Variants in GTF2I observed in about 807,000 individuals in gnomAD.
GTF2I encodes general transcription factor IIi.
A neutral mutation model predicts 67.6 loss-of-function variants in GTF2I; 12 were observed. The observed-to-expected ratio is 0.18, with a 90% confidence interval of 0.11 to 0.29. The LOEUF (loss-of-function observed/expected upper bound fraction) is 0.29. GTF2I is among the 10% of genes least tolerant of loss of function. The probability of loss-of-function intolerance (pLI) is 1.00; values close to 1 mark genes in which losing one functional copy is unlikely to be tolerated. For missense variants in GTF2I, 271 were observed against 580.1 expected (o/e 0.47, Z 5.47); for synonymous variants, 149 against 197.0 (o/e 0.76, Z 2.04).
intron 6 of GTF2I, 138 bp downstream of exon 6, chr7:74,700,772 A>G (rs1789617329): frequency 2.3e-6 from 2 of 866,472 alleles, no homozygotes; most frequent in African/African-American, 3.4e-5. Context: ...AGATGTTTAT[A>G]TAATCCACAA....
chr7:74,731,290 A>G (rs1794456772), intron 14 of GTF2I, among the ~76,000 whole-genome samples: 1 of 140,676 alleles, frequency 7.1e-6, no homozygotes, highest in Non-Finnish European at 1.5e-5. Flanking sequence ...TTTTAACTGA[A>G]TTGCTATAAG....
In GTF2I at chr7:74,663,440, C is replaced by G. The variant is rs376424866; in HGVS notation, c.-6+5372C>G. On this transcript the variant is annotated intron_variant, in intron 1 of 34. Transcript: ENST00000573035. ...AGCTGGGATTACAGGCATGTGCCACCATGCCCAGCTAATTTTTTTGTATTT... is the reference window on the plus strand; with the variant it reads ...AGCTGGGATTACAGGCATGTGCCACGATGCCCAGCTAATTTTTTTGTATTT... Among the ~76,000 whole-genome samples the G allele has an allele frequency of 3.1e-4, 47 of 152,210 alleles. 1 individual carries two copies. In the South Asian group the frequency reaches 9.8e-3, roughly 32 times the overall value.
intron 6 of GTF2I, among the ~76,000 whole-genome samples, chr7:74,701,342 T>C (rs1445110639): frequency 1.8e-4 from 28 of 152,210 alleles, no homozygotes; most frequent in Admixed American, 1.8e-3. Flanking sequence ...GAAAAAATTA[T>C]ATATACATAA....
At chr7:74,709,612 G>T (rs1485082104) in intron 8 of GTF2I, among the ~76,000 whole-genome samples, 2 of 151,840 alleles carry the variant, frequency 1.3e-5, no homozygotes, top group African/African-American at 2.4e-5. Flanking sequence ...ATTCCTGAAG[G>T]GTCTGAATCC....
In GTF2I at chr7:74,714,924, CT is replaced by C; in HGVS notation, c.823+12del. 1 of 1,565,868 alleles carries C rather than the reference CT, an allele frequency of 6.4e-7. No individual in the cohort carries two copies. On this transcript the variant is annotated intron_variant, in intron 10 of 34. Transcript: ENST00000573035. ...TATCGAAGCCTTTGCAAGGTATAATCTTTTCACTTCCATTCTCCCACATACT... is the reference window on the plus strand; with the variant it reads ...TATCGAAGCCTTTGCAAGGTATAATCTTTCACTTCCATTCTCCCACATACT...
At chr7:74,706,754 C>A (rs1790761583) in intron 8 of GTF2I, among the ~76,000 whole-genome samples, 1 of 152,088 alleles carries the variant, frequency 6.6e-6, no homozygotes, top group African/African-American at 2.4e-5. Context: ...CAATAGAATG[C>A]CCCCTTCGTC....
chr7:74,730,855 C>T (rs1345583842), intron 14 of GTF2I, among the ~76,000 whole-genome samples: 1 of 142,516 alleles, frequency 7.0e-6, no homozygotes, highest in East Asian at 2.1e-4. Flanking sequence ...TACAGGTGCC[C>T]GCCACCATGC....
intron 6 of GTF2I, among the ~76,000 whole-genome samples, chr7:74,700,944 A>G (rs781828524): frequency 2.0e-5 from 3 of 152,192 alleles, no homozygotes; most frequent in Non-Finnish European, 2.9e-5. Context: ...TGGGCACAGC[A>G]TTGGGTGGGG....
At chr7:74,663,295 TA>T (rs1804676966) in intron 1 of GTF2I, among the ~76,000 whole-genome samples, 1 of 152,210 alleles carries the variant, frequency 6.6e-6, no homozygotes, top group South Asian at 2.1e-4. Flanking sequence ...AGTATTTATT[TA>T]TTTTTTTGAG....
chr7:74,703,884 A>C (rs146333175), intron 6 of GTF2I, among the ~76,000 whole-genome samples: 2 of 152,264 alleles, frequency 1.3e-5, no homozygotes, highest in Non-Finnish European at 2.9e-5. Flanking sequence ...CAATGATTCC[A>C]GGACAATTTG....
intron 26 of GTF2I, among the ~76,000 whole-genome samples, chr7:74,750,277 CAAAAAAAA>C (rs1226879909): frequency 2.2e-5 from 2 of 91,198 alleles, no homozygotes; most frequent in Non-Finnish European, 2.6e-5. Flanking sequence ...ACTTAAAATA[CAAAAAAAA>C]AAAAAAAAAA....
chr7:74,722,290 T>G (rs1793115903), intron 12 of GTF2I, among the ~76,000 whole-genome samples: 1 of 152,150 alleles, frequency 6.6e-6, no homozygotes, highest in Non-Finnish European at 1.5e-5. Flanking sequence ...ATTTAAAACA[T>G]ACGTGACTTA....
Position 74,723,428 on chromosome 7 carries a change from CTTTTTT to C in GTF2I, c.943+4502_943+4507del, listed in dbSNP as rs58149301. 4.1e-3 allele frequency among the ~76,000 whole-genome samples: 248 copies of C among 61,078 alleles called. 6 individuals are homozygous for C. The highest frequency in any genetic ancestry group is 7.3e-3 in the South Asian group (10 of 1,368). 40.1% of individuals were successfully genotyped at this position (61,078 alleles called of 152,430 possible). On this transcript the variant is annotated intron_variant, in intron 12 of 34. Coordinates refer to ENST00000573035, the MANE Select transcript of GTF2I (RefSeq NM_032999.4). ...AGGCATAAGCCACCGCTCCCGGCCT[CTTTTTT>C]TTTTTTTTTTTTTTAAGACGGAGTC... is the stretch of plus-strand genomic sequence containing the variant.
chr7:74,717,094 T>G, intron 11 of GTF2I, 144 bp downstream of exon 11: 1 of 1,188,380 alleles, frequency 8.4e-7, no homozygotes, highest in Non-Finnish European at 1.1e-6. Flanking sequence ...GGTTATTATT[T>G]TTTTAAAAAT....
At chr7:74,677,216 T>C (rs1234675509) in intron 1 of GTF2I, among the ~76,000 whole-genome samples, 1 of 152,210 alleles carries the variant, frequency 6.6e-6, no homozygotes, top group African/African-American at 2.4e-5. Flanking sequence ...TAAAGTCAGC[T>C]GATTGAACTA....
intron 6 of GTF2I, among the ~76,000 whole-genome samples, chr7:74,704,428 T>C (rs1219892384): frequency 2.6e-5 from 4 of 151,588 alleles, no homozygotes; most frequent in Admixed American, 6.6e-5. Flanking sequence ...GTAACTGGGA[T>C]TACAGGCGCC....
rs1363513101 is a variant in GTF2I, at chr7:74,676,813, T to C, written c.-5-12311T>C. 8.5e-5 allele frequency among the ~76,000 whole-genome samples: 13 copies of C among 152,110 alleles called. No individual in the cohort carries two copies. The South Asian group carries it at 2.1e-3, about 24-fold the overall frequency. ...GCTCATGCCTGTAATCCCAGCACTT[T>C]AGGAGGCTGAGGCGGGCAAATCACT... is the stretch of plus-strand genomic sequence containing the variant. On this transcript the variant is annotated intron_variant, in intron 1 of 34. Coordinates refer to ENST00000573035, the MANE Select transcript of GTF2I (RefSeq NM_032999.4).
intron 9 of GTF2I, among the ~76,000 whole-genome samples, chr7:74,714,545 T>C (rs191548810): frequency 1.3e-5 from 2 of 152,214 alleles, no homozygotes; most frequent in Admixed American, 6.5e-5. Context: ...TTTACTGTTA[T>C]GAACATTGTA....
chr7:74,676,097 ATTCTT>A (rs1554392306), intron 1 of GTF2I, among the ~76,000 whole-genome samples: 1 of 152,082 alleles, frequency 6.6e-6, no homozygotes, highest in African/African-American at 2.4e-5. Flanking sequence ...TCTGGATTCT[ATTCTT>A]AGCAATTCTG....
Sources: gnomAD v4.1 joint callset for allele counts (sites outside exome capture counted in the v4.1 genomes callset) on GRCh38, gnomAD v4.1.1 for gene constraint, MANE v1.5 for transcripts, NCBI Gene and HGNC (gene_info 2026-07-23, HGNC 2026-07-21) for gene names.